The following GRIK4 variants were observed in gnomAD, a reference collection of about 807,000 sequenced individuals.
GRIK4 encodes the protein glutamate ionotropic receptor kainate type subunit 4.
GRIK4 carries 40 observed loss-of-function variants against 104.9 expected under a neutral mutation model. The ratio of observed to expected loss-of-function variants is 0.38; its 90% confidence interval spans 0.30 to 0.50. GRIK4 has a LOEUF of 0.50. Ranked by LOEUF, GRIK4 falls within the 20% of genes least tolerant of loss-of-function variation. GRIK4 has a pLI of 0.93. For missense variants in GRIK4, 1,047 were observed against 1,308.1 expected, an observed-to-expected ratio of 0.80 and a Z score of 3.08; for synonymous variants, 485 against 524.9, an observed-to-expected ratio of 0.92 and a Z score of 1.04.
chr11:120,587,611 C>T (rs908291628), intron 1 of GRIK4, among the ~76,000 whole-genome samples: 2 of 152,144 alleles, frequency 1.3e-5, no homozygotes, highest in Non-Finnish European at 2.9e-5. Context: ...GTGCTTGGAC[C>T]AGTAACTTGT....
At chr11:120,815,333 T>C in intron 4 of GRIK4, 45 bp from the exon 5 acceptor site, 1 of 1,167,416 alleles carries the variant, frequency 8.6e-7, no homozygotes, top group East Asian at 2.6e-5. Flanking sequence ...AAGCCCGACC[T>C]GATGAGTGCT....
At chr11:120,646,385 G>T (rs1591765618) in intron 1 of GRIK4, among the ~76,000 whole-genome samples, 1 of 152,290 alleles carries the variant, frequency 6.6e-6, no homozygotes, top group East Asian at 1.9e-4. Flanking sequence ...CCAGGCTCTG[G>T]GAGCTCTGTT....
chr11:120,846,994 C>T (rs60062246), intron 8 of GRIK4, among the ~76,000 whole-genome samples: 3 of 152,160 alleles, frequency 2.0e-5, no homozygotes, highest in Non-Finnish European at 4.4e-5. Context: ...CTCACCACCC[C>T]CTTACCCAGA....
intron 11 of GRIK4, among the ~76,000 whole-genome samples, chr11:120,891,492 C>G (rs1013188833): frequency 6.6e-6 from 1 of 152,116 alleles, no homozygotes; most frequent in African/African-American, 2.4e-5. Flanking sequence ...AGATTCAGGA[C>G]GTTTAAAATC....
intron 15 of GRIK4, among the ~76,000 whole-genome samples, chr11:120,954,670 G>C (rs1237603196): frequency 1.3e-5 from 2 of 151,802 alleles, no homozygotes; most frequent in African/African-American, 4.8e-5. Context: ...GTGTTACGCT[G>C]CCCCTCCTCC....
intron 1 of GRIK4, among the ~76,000 whole-genome samples, chr11:120,636,558 T>G (rs757453219): frequency 6.6e-6 from 1 of 152,128 alleles, no homozygotes; most frequent in Non-Finnish European, 1.5e-5. Flanking sequence ...ACTGCTACTC[T>G]TGGCCAGGCA....
rs1346296030 is a variant in GRIK4, at chr11:120,953,460, G to A, written c.1700+496G>A. On this transcript the variant is annotated intron_variant, in intron 15 of 20. Coordinates refer to ENST00000527524, the MANE Select transcript of GRIK4 (RefSeq NM_014619.5). The surrounding 1 kb of genome is among the most constrained non-coding windows in gnomAD (Gnocchi z 4.9). ...TGCAGTGGAGCAGGCCAGGGAGAAG[G>A]CTTTCTCTGCAGACAGCCTGGGCCT... is the stretch of plus-strand genomic sequence containing the variant. Among the ~76,000 whole-genome samples the A allele has an allele frequency of 6.6e-6, 1 of 152,226 alleles. No individual in the cohort carries two copies. The highest frequency in any genetic ancestry group is 1.5e-5 in the Non-Finnish European group (1 of 68,040).
intron 3 of GRIK4, among the ~76,000 whole-genome samples, chr11:120,794,271 T>C (rs986210654): frequency 1.3e-5 from 2 of 149,810 alleles, no homozygotes; most frequent in African/African-American, 4.9e-5. Context: ...GGGGAGGTGT[T>C]AGGGCTGAGA....
intron 4 of GRIK4, among the ~76,000 whole-genome samples, chr11:120,812,232 G>A (rs12279371): frequency 0.069 from 10,523 of 152,212 alleles, 1,134 homozygotes; most frequent in African/African-American, 0.23. Flanking sequence ...GCAAGAAAGA[G>A]GCCAGGATGA....
chr11:120,593,453 T>G (rs915641656), intron 1 of GRIK4, among the ~76,000 whole-genome samples: 5 of 152,096 alleles, frequency 3.3e-5, no homozygotes, highest in Non-Finnish European at 7.4e-5. Flanking sequence ...ACTTCCCTCC[T>G]CCCTCGAGAC....
chr11:120,619,011 A>G (rs1001239305), intron 1 of GRIK4, among the ~76,000 whole-genome samples: 1 of 152,134 alleles, frequency 6.6e-6, no homozygotes, highest in Non-Finnish European at 1.5e-5. Flanking sequence ...AGAATGGTAG[A>G]TCCACCAGCA....
At chr11:120,651,181 AC>A (rs1177442834) in intron 1 of GRIK4, among the ~76,000 whole-genome samples, 4 of 152,220 alleles carry the variant, frequency 2.6e-5, no homozygotes, top group Non-Finnish European at 5.9e-5. Context: ...GTGTCTGTGT[AC>A]AAGGGCTGGA....
intron 1 of GRIK4, among the ~76,000 whole-genome samples, chr11:120,552,899 C>G (rs1948153456): frequency 1.3e-5 from 2 of 151,670 alleles, no homozygotes; most frequent in Admixed American, 6.6e-5. Flanking sequence ...ACTCGGGAGG[C>G]TGAGGCAGGA....
At chr11:120,706,809 G>T (rs1421720894) in intron 3 of GRIK4, among the ~76,000 whole-genome samples, 1 of 152,140 alleles carries the variant, frequency 6.6e-6, no homozygotes, top group Non-Finnish European at 1.5e-5. Context: ...GTCCCAGCAG[G>T]CCTCCTAATT....
At chr11:120,910,249 G>A (rs1468240131) in intron 13 of GRIK4, among the ~76,000 whole-genome samples, 2 of 152,334 alleles carry the variant, frequency 1.3e-5, no homozygotes, top group South Asian at 2.1e-4. Flanking sequence ...GAGACCATGG[G>A]CTTAGACACA....
intron 1 of GRIK4, among the ~76,000 whole-genome samples, chr11:120,516,754 A>C (rs1222952487): frequency 6.6e-6 from 1 of 152,148 alleles, no homozygotes; most frequent in Admixed American, 6.5e-5. Context: ...AGTGTCAGAG[A>C]TAACTTTGAG....
intron 3 of GRIK4, among the ~76,000 whole-genome samples, chr11:120,783,156 C>T (rs886266857): frequency 2.0e-5 from 3 of 152,208 alleles, no homozygotes; most frequent in African/African-American, 7.2e-5. Flanking sequence ...CCCAGCCCCA[C>T]GTCAGTAGTG....
At chr11:120,685,204 G>T (rs1748921627) in intron 3 of GRIK4, among the ~76,000 whole-genome samples, 1 of 152,216 alleles carries the variant, frequency 6.6e-6, no homozygotes, top group Admixed American at 6.5e-5. Context: ...GGACAAGTGA[G>T]CTTTAGTCTA....
At chr11:120,545,974 C>A (rs1426999306) in intron 1 of GRIK4, among the ~76,000 whole-genome samples, 1 of 152,212 alleles carries the variant, frequency 6.6e-6, no homozygotes, top group Non-Finnish European at 1.5e-5. Context: ...CTTCACATCT[C>A]TCCTGACTTC....
Sources: allele counts gnomAD v4.1 joint callset (sites outside exome capture counted in the v4.1 genomes callset), GRCh38; gene constraint gnomAD v4.1.1; non-coding constraint Gnocchi (gnomAD v3.1); transcripts MANE v1.5; gene names NCBI Gene and HGNC (gene_info 2026-07-23, HGNC 2026-07-21).